Variants in ALMS1 observed in about 807,000 individuals in gnomAD.
ALMS1 encodes centrosome-associated protein ALMS1.
In ALMS1, 271 loss-of-function variants were observed where a neutral mutation model predicts 352.2. The ratio of observed to expected loss-of-function variants is 0.77; its 90% CI spans 0.70 to 0.85. The LOEUF (loss-of-function observed/expected upper bound fraction) is 0.85, where lower values mean the gene tolerates loss of function less well. Ranked by LOEUF, ALMS1 falls within the 40% of genes least tolerant of loss-of-function variation. The pLI is 0.00. For synonymous variants in ALMS1, 1,865 were observed against 1,761.2 expected (o/e 1.06, Z -1.48); for missense variants, 5,445 against 4,870.7 (o/e 1.12, Z -3.51).
intron 14 of ALMS1, 74 bp from the exon 15 acceptor site, chr2:73,558,898 C>A: frequency 6.8e-7 from 1 of 1,467,040 alleles, no homozygotes; most frequent in South Asian, 1.2e-5. Flanking sequence ...TCACATAATA[C>A]GTACTTGAGA....
intron 13 of ALMS1, among the ~76,000 whole-genome samples, chr2:73,552,585 C>T (rs1674462449): frequency 6.6e-6 from 1 of 152,228 alleles, no homozygotes; most frequent in African/African-American, 2.4e-5. Context: ...GAAATAAAGT[C>T]AGGCTCAGTT....
At chr2:73,483,920 T>G (rs1365854075) in intron 9 of ALMS1, among the ~76,000 whole-genome samples, 8 of 148,038 alleles carry the variant, frequency 5.4e-5, no homozygotes, top group African/African-American at 1.5e-4. Flanking sequence ...GTTTTCCATT[T>G]GCTTGGTAGA....
In ALMS1 at chr2:73,491,508, A is replaced by G. The variant is rs1553409904; in HGVS notation, c.9539+10A>G. 7 of 1,613,196 alleles carry G rather than the reference A, an allele frequency of 4.3e-6. No homozygotes were observed. The highest frequency in any genetic ancestry group is 5.9e-6 in the Non-Finnish European group (7 of 1,179,348). On this transcript the variant is annotated intron_variant, in intron 10 of 22. Coordinates refer to ENST00000613296, the MANE Select transcript of ALMS1 (RefSeq NM_001378454.1). The stretch of plus-strand genomic sequence containing the variant: ...CAGTATTTGCAGATCGGTGAGTCTC[A>G]TTGTGATAACAAGCAAGCTGGATGG...
chr2:73,459,927 C>T (rs138082289), intron 9 of ALMS1, among the ~76,000 whole-genome samples: 1 of 152,274 alleles, frequency 6.6e-6, no homozygotes, highest in African/African-American at 2.4e-5. Context: ...TACATAATTA[C>T]ACGCACCCCC....
chr2:73,607,353 G>A (rs1320993002), intron 21 of ALMS1, among the ~76,000 whole-genome samples: 1 of 152,018 alleles, frequency 6.6e-6, no homozygotes, highest in East Asian at 1.9e-4. Context: ...TGTTGGAAAC[G>A]TATTTACAAT....
chr2:73,453,652 A>G lies in ALMS1; in HGVS notation c.7125A>G (p.Glu2375=), dbSNP rs1043215081. 6.2e-6 allele frequency: 10 copies of G among 1,614,000 alleles called. No individual in the cohort carries two copies. Among genetic ancestry groups the G allele is most frequent in the African/African-American group, 1.3e-5 (1 of 74,920 alleles). ...AGAGCAAAGTCAGTATGGCATTAGA[A>G]GAAACTCTTAGGCAATATCAAGCAG... The part of the protein sequence containing the change: ...EAESKVSMAL[E]ETLRQYQAAK... The change falls in exon 8 of 23, where the codon GAA becomes GAG. Residue 2375 remains glutamate, a synonymous_variant. Coordinates refer to ENST00000613296, the MANE Select transcript of ALMS1 (RefSeq NM_001378454.1).
Position 73,432,750 on chromosome 2 carries a change from A to G in ALMS1, c.1432+459A>G, listed in dbSNP as rs1393694472. ...CATCACCTTGGGGATTAGGATTTCA[A>G]CCTATACTTTTCAGGGGGGACACAA... On this transcript the variant is annotated intron_variant, in intron 7 of 22. Coordinates refer to ENST00000613296, the MANE Select transcript of ALMS1 (RefSeq NM_001378454.1). Among the ~76,000 whole-genome samples, 3 of 152,224 alleles carry G rather than the reference A, an allele frequency of 2.0e-5. No homozygotes were observed. In the East Asian group the frequency reaches 5.8e-4, roughly 29 times the overall value.
At chr2:73,416,201 T>A (rs913484949) in intron 2 of ALMS1, among the ~76,000 whole-genome samples, 1 of 152,216 alleles carries the variant, frequency 6.6e-6, no homozygotes, top group Non-Finnish European at 1.5e-5. Context: ...CTGTCCCCTA[T>A]AGAAAGGAGT....
chr2:73,554,009 C>G (rs1049675122), intron 13 of ALMS1, among the ~76,000 whole-genome samples: 2 of 152,078 alleles, frequency 1.3e-5, no homozygotes, highest in Non-Finnish European at 2.9e-5. Flanking sequence ...AAATGGTAGC[C>G]TTTAGAAATT....
At chr2:73,503,057 T>C (rs1673249008) in intron 10 of ALMS1, among the ~76,000 whole-genome samples, 1 of 152,128 alleles carries the variant, frequency 6.6e-6, no homozygotes, top group Non-Finnish European at 1.5e-5. Context: ...ACAGACATTA[T>C]TTAGATTTCT....
chr2:73,440,482 TTCTCTC>T (rs373545155), intron 7 of ALMS1, among the ~76,000 whole-genome samples: 2 of 151,942 alleles, frequency 1.3e-5, no homozygotes, highest in Non-Finnish European at 2.9e-5. Flanking sequence ...TGCTGTCTCT[TTCTCTC>T]TCTCGGCTCA....
At chr2:73,558,550 C>T (rs1435705813) in intron 14 of ALMS1, among the ~76,000 whole-genome samples, 2 of 152,190 alleles carry the variant, frequency 1.3e-5, no homozygotes, top group East Asian at 3.8e-4. Context: ...CACCTCTTTT[C>T]CTTATAAATT....
At position 73,452,003 on chromosome 2, in the gene ALMS1, G is replaced by A. The variant is rs1203880245; in HGVS notation, c.5476G>A (p.Ala1826Thr). 1.2e-6 allele frequency: 2 copies of A among 1,613,680 alleles called. No homozygotes were observed. The highest frequency in any genetic ancestry group is 1.7e-6 in the Non-Finnish European group (2 of 1,179,810). ...YQRELPHFTEAGLKILRVPGP... is the reference protein window; with the variant it reads ...YQRELPHFTETGLKILRVPGP... Reference sequence around the variant, plus strand: ...GCGAGAGTTGCCGCATTTTACTGAAGCAGGTTTGAAAATTTTAAGAGTTCC... The same window carrying A: ...GCGAGAGTTGCCGCATTTTACTGAAACAGGTTTGAAAATTTTAAGAGTTCC... Residue 1826 changes from alanine to threonine, a missense_variant, in exon 8 of 23, where the codon GCA becomes ACA. Physicochemically the swap from Ala to Thr is moderately conservative, Grantham distance 58 (BLOSUM62 0). Coordinates refer to ENST00000613296, the MANE Select transcript of ALMS1 (RefSeq NM_001378454.1).
chr2:73,565,422 T>A (rs1035065498), intron 15 of ALMS1, among the ~76,000 whole-genome samples: 1 of 152,042 alleles, frequency 6.6e-6, no homozygotes, highest in Non-Finnish European at 1.5e-5. Flanking sequence ...TACCTATGAG[T>A]CTGTACTGAT....
chr2:73,419,400 T>G lies in ALMS1; in HGVS notation c.646+82T>G, dbSNP rs1671244147. On this transcript the variant is annotated intron_variant, in intron 3 of 22. Coordinates refer to ENST00000613296, the MANE Select transcript of ALMS1 (RefSeq NM_001378454.1). Reference sequence around the variant, plus strand: ...GACTGCAAGTCTTGTAACTTTCCCCTTTTTGAGTTAAGGAGCTCTGTAGAG... The same window carrying G: ...GACTGCAAGTCTTGTAACTTTCCCCGTTTTGAGTTAAGGAGCTCTGTAGAG... The G allele has an allele frequency of 6.5e-6, 9 of 1,377,460 alleles. No individual in the cohort carries two copies. The Admixed American group carries it at 1.5e-4, about 23-fold the overall frequency. 85.3% of individuals were successfully genotyped at this position (1,377,460 alleles called of 1,614,324 possible). A position where few individuals can be genotyped will look rare whatever the true frequency, so the allele number is the denominator to read the frequency against.
intron 21 of ALMS1, among the ~76,000 whole-genome samples, chr2:73,604,537 G>A (rs1176326055): frequency 1.3e-5 from 2 of 152,112 alleles, no homozygotes; most frequent in East Asian, 1.9e-4. Flanking sequence ...TTCTTAGTTG[G>A]CATAATGCTT....
chr2:73,464,168 C>T (rs544492589), intron 9 of ALMS1, among the ~76,000 whole-genome samples: 8 of 152,234 alleles, frequency 5.3e-5, no homozygotes, highest in South Asian at 2.1e-4. Flanking sequence ...ACCAATATCC[C>T]TGATGAACAT....
At chr2:73,447,724 C>T (rs778788860) in intron 7 of ALMS1, among the ~76,000 whole-genome samples, 1 of 152,168 alleles carries the variant, frequency 6.6e-6, no homozygotes, top group Admixed American at 6.5e-5. Context: ...TATAATATTT[C>T]ATCCACTGGA....
At chr2:73,580,284 T>C (rs1391888318) in intron 16 of ALMS1, among the ~76,000 whole-genome samples, 1 of 152,304 alleles carries the variant, frequency 6.6e-6, no homozygotes, top group South Asian at 2.1e-4. Context: ...CGTAATTTCA[T>C]TTCACCTATC....
Sources: allele counts gnomAD v4.1 joint callset (sites outside exome capture counted in the v4.1 genomes callset), GRCh38; gene constraint gnomAD v4.1.1; transcripts MANE v1.5; gene names NCBI Gene and HGNC (gene_info 2026-07-23, HGNC 2026-07-21).